TPM1: variants seen among roughly 807,000 people sequenced by gnomAD.
TPM1 encodes the protein tropomyosin alpha-1 chain.
In TPM1, 24 loss-of-function variants were observed where a neutral mutation model predicts 42.9. That is an observed-to-expected ratio of 0.56 (90% CI 0.41 to 0.79). The LOEUF (loss-of-function observed/expected upper bound fraction) is 0.79. Among genes scored for constraint, TPM1 ranks in the 30% least tolerant of loss-of-function variants. TPM1 has a pLI of 0.00. For synonymous variants in TPM1, 136 were observed against 130.1 expected, an observed-to-expected ratio of 1.05 and a Z score of -0.31; for missense variants, 158 against 351.8, an observed-to-expected ratio of 0.45 and a Z score of 4.41.
At position 63,064,120 on chromosome 15, in the gene TPM1, G is replaced by A. The variant is rs149659674; in HGVS notation, c.829G>A (p.Ala277Thr). ...YKAISEELDH[A>T]LNDMTSI is the part of the protein sequence containing the mutation. ...AGCCATCAGCGAGGAGCTGGACCAC[G>A]CTCTCAACGATATGACTTCCATGTA... The change falls in exon 9 of 10, where the codon GCT becomes ACT. Residue 277 changes from alanine (A) to threonine (T), a missense_variant. Coordinates refer to ENST00000403994, the MANE Select transcript of TPM1 (RefSeq NM_001018005.2). 27 of 1,613,872 alleles carry A rather than the reference G, an allele frequency of 1.7e-5. No individual in the cohort carries two copies. In the African/African-American group the frequency reaches 2.5e-4, roughly 15 times the overall value.
chr15:63,048,824 G>GGGCGCACCT (rs377427257), intron 2 of TPM1: 20 of 1,395,526 alleles, frequency 1.4e-5, no homozygotes, highest in Non-Finnish European at 1.8e-5. Context: ...CACGCCTCCA[G>GGGCGCACCT]GGCGCACCTG....
At chr15:63,043,669 G>A (rs1305686266) in intron 1 of TPM1, 4 of 1,538,266 alleles carry the variant, frequency 2.6e-6, no homozygotes, top group African/African-American at 1.4e-5. Context: ...CACCCGGTCC[G>A]TGCCGGCCGC....
At chr15:63,056,926 C>G in intron 2 of TPM1, 59 bp from the exon 3 acceptor site, 2 of 1,612,830 alleles carry the variant, frequency 1.2e-6, no homozygotes, top group Non-Finnish European at 1.7e-6. Flanking sequence ...CAGCCATTTC[C>G]TGAAGCTACC....
At chr15:63,043,702 C>A in intron 1 of TPM1, 1 of 1,545,528 alleles carries the variant, frequency 6.5e-7, no homozygotes, top group East Asian at 2.4e-5. Context: ...GCCGCTGCCC[C>A]CAGCTCGAGG....
intron 3 of TPM1, among the ~76,000 whole-genome samples, chr15:63,058,673 C>T (rs1418490604): frequency 1.3e-5 from 2 of 152,136 alleles, no homozygotes; most frequent in Non-Finnish European, 2.9e-5. Flanking sequence ...CACACCACCG[C>T]ACTCCAACCT....
At chr15:63,043,757 G>A in intron 1 of TPM1, 1 of 1,549,784 alleles carries the variant, frequency 6.5e-7, no homozygotes, top group South Asian at 1.2e-5. Flanking sequence ...GTCGGAGGAC[G>A]AGCGGGACCG....
intron 2 of TPM1, among the ~76,000 whole-genome samples, chr15:63,050,205 C>G (rs559016944): frequency 3.3e-5 from 5 of 152,244 alleles, no homozygotes; most frequent in African/African-American, 1.2e-4. Flanking sequence ...GCTCCTTCAC[C>G]TTCAGTTCCC....
At chr15:63,064,871 G>T in intron 9 of TPM1, 1 of 575,798 alleles carries the variant, frequency 1.7e-6, no homozygotes, top group South Asian at 7.6e-5. Flanking sequence ...GGAGGCTGAG[G>T]CAGGAGAATG....
chr15:63,062,543 C>T (rs770944963), intron 7 of TPM1, 33 bp from the exon 8 acceptor site: 1 of 1,612,690 alleles, frequency 6.2e-7, no homozygotes, highest in South Asian at 1.1e-5. Context: ...AAACATAAAA[C>T]TTCCCAACTT....
chr15:63,048,440 G>T (rs773323688), intron 2 of TPM1: 3 of 1,352,442 alleles, frequency 2.2e-6, no homozygotes, highest in African/African-American at 3.1e-5. Context: ...GCCGCAGGGG[G>T]CGCCGCCATC....
chr15:63,061,615 T>C, intron 5 of TPM1, 98 bp from the exon 6 acceptor site: 1 of 1,172,702 alleles, frequency 8.5e-7, no homozygotes. Flanking sequence ...CCTTCGTCTC[T>C]AGGACTCAGT....
In TPM1 at chr15:63,052,495, C is replaced by T. The variant is rs183032286; in HGVS notation, c.241-4490C>T. The stretch of plus-strand genomic sequence containing the variant: ...CCGAGGTCATGCCACTGCACTCCAG[C>T]CTGGGAGACAGAGCTAGACTCCATC... On this transcript the variant is annotated intron_variant, in intron 2 of 9. Coordinates refer to ENST00000403994, the MANE Select transcript of TPM1 (RefSeq NM_001018005.2). Among the ~76,000 whole-genome samples, 1,146 of 151,626 alleles carry T rather than the reference C, an allele frequency of 7.6e-3. 17 individuals are homozygous for T. Among genetic ancestry groups the T allele is most frequent in the African/African-American group, 0.027 (1,098 of 41,306 alleles).
In TPM1 at chr15:63,056,984, G is replaced by C. The variant is rs111234645; in HGVS notation, c.241-1G>C. The C allele has an allele frequency of 6.2e-7, 1 of 1,614,140 alleles. No homozygotes were observed. The highest frequency in any genetic ancestry group is 8.5e-7 in the Non-Finnish European group (1 of 1,180,006). On this transcript the variant is annotated splice_acceptor_variant, in intron 2 of 9. Coordinates refer to ENST00000403994, the MANE Select transcript of TPM1 (RefSeq NM_001018005.2). LOFTEE classifies it high-confidence loss of function. ...TGAAATGCTTTTCACTCTCTACCTAGGCTGAAGCCGACGTAGCTTCTCTGA... is the reference window on the plus strand; with the variant it reads ...TGAAATGCTTTTCACTCTCTACCTACGCTGAAGCCGACGTAGCTTCTCTGA...
intron 1 of TPM1, chr15:63,043,739 C>G: frequency 6.5e-7 from 1 of 1,549,190 alleles, no homozygotes; most frequent in Non-Finnish European, 8.7e-7. Flanking sequence ...GGAGAAGTTG[C>G]TGCGGGTGTC....
exon 9 of TPM1, chr15:63,071,221 T>TTG (rs1345296140): frequency 5.0e-6 from 8 of 1,587,570 alleles, no homozygotes; most frequent in Non-Finnish European, 6.9e-6. Flanking sequence ...TTGTTTTGTT[T>TTG]TTAAACACCT....
chr15:63,053,385 G>A (rs1596342998), intron 2 of TPM1, among the ~76,000 whole-genome samples: 2 of 152,124 alleles, frequency 1.3e-5, no homozygotes, highest in African/African-American at 2.4e-5. Flanking sequence ...CAAGGTTTCC[G>A]TGATGTTCCG....
chr15:63,066,100 T>C lies in TPM1; in HGVS notation c.*201T>C. 6.7e-7 allele frequency: 1 copy of C among 1,497,736 alleles called. No homozygotes were observed. The highest frequency in any genetic ancestry group is 8.8e-7 in the Non-Finnish European group (1 of 1,132,414). The allele number at this position is 1,497,736 out of a possible 1,614,324, so 92.8% of individuals were successfully genotyped here. On this transcript the variant is annotated 3_prime_UTR_variant, in exon 10 of 10. Transcript: ENST00000403994. ...ATAAACACTGTGTAAGCTATTTCTG[T>C]TTGCTATTCTTTTTACTTCTTATTT... is the stretch of plus-strand genomic sequence containing the variant.
downstream of TPM1, among the ~76,000 whole-genome samples, chr15:63,069,499 G>A (rs568673769): frequency 2.6e-5 from 4 of 152,268 alleles, no homozygotes; most frequent in South Asian, 2.1e-4. Flanking sequence ...CGCTGGGCTC[G>A]CCTCCAGCCA....
At chr15:63,057,228 G>A (rs2034949083) in intron 3 of TPM1, 110 bp downstream of exon 3, 3 of 1,463,442 alleles carry the variant, frequency 2.0e-6, no homozygotes, top group Non-Finnish European at 2.8e-6. Flanking sequence ...CTGGTGGTGG[G>A]ATCATTTCCT....
Sources: gnomAD v4.1 joint callset for allele counts (sites outside exome capture counted in the v4.1 genomes callset) on GRCh38, gnomAD v4.1.1 for gene constraint, MANE v1.5 for transcripts, NCBI Gene and HGNC (gene_info 2026-07-23, HGNC 2026-07-21) for gene names.